Variants in TOP1 observed in about 807,000 individuals in gnomAD.
TOP1 encodes the protein DNA topoisomerase 1.
A neutral mutation model predicts 111.1 loss-of-function variants in TOP1; 10 were observed. That is an observed-to-expected ratio of 0.09 (90% CI 0.06 to 0.15). The LOEUF (loss-of-function observed/expected upper bound fraction) is 0.15. Ranked by LOEUF, TOP1 falls within the 10% of genes least tolerant of loss-of-function variation. The pLI, the probability that TOP1 is intolerant of heterozygous loss-of-function variation, is 1.00. For synonymous variants in TOP1, 271 were observed against 302.9 expected (o/e 0.89, Z 1.10); for missense variants, 474 against 926.7 (o/e 0.51, Z 6.34).
At chr20:41,117,606 C>T (rs570730266) in intron 17 of TOP1, among the ~76,000 whole-genome samples, 1 of 151,808 alleles carries the variant, frequency 6.6e-6, no homozygotes, top group African/African-American at 2.4e-5. Context: ...AGGATGGTCT[C>T]GATCTCCTGA....
Position 41,072,263 on chromosome 20 carries a change from AAGTAGCAGGATC to A in TOP1, c.156-3903_156-3892del, listed in dbSNP as rs373154006. On this transcript the variant is annotated intron_variant, in intron 3 of 20. Transcript: ENST00000361337. ...CATATTGTGTCTATTGTGTATGGAAAAGTAGCAGGATCAGTATGAAGATAATACAGTATCTCT... is the reference window on the plus strand; with the variant it reads ...CATATTGTGTCTATTGTGTATGGAAAAGTATGAAGATAATACAGTATCTCT... 376 of 985,378 alleles carry A rather than the reference AAGTAGCAGGATC, an allele frequency of 3.8e-4. No homozygotes were observed. In the African/African-American group the frequency reaches 6.4e-3, roughly 17 times the overall value. The allele number at this position is 985,378 out of a possible 1,614,324, so 61.0% of individuals were successfully genotyped here. A position where few individuals can be genotyped will look rare whatever the true frequency, so the allele number is the denominator to read the frequency against.
At chr20:41,073,374 G>GAAAA (rs397692656) in intron 3 of TOP1, 5 of 749,214 alleles carry the variant, frequency 6.7e-6, no homozygotes, top group African/African-American at 5.1e-5. Context: ...GGAAGACAAT[G>GAAAA]AAAAAAAAAA....
At chr20:41,064,960 A>G (rs965487393) in intron 3 of TOP1, among the ~76,000 whole-genome samples, 22 of 152,118 alleles carry the variant, frequency 1.4e-4, no homozygotes, top group African/African-American at 4.6e-4. Flanking sequence ...GCTGGAGTGC[A>G]GTGGTGCCAT....
rs1224570652 is a variant in TOP1, at chr20:41,032,649, C to T, written c.58+3194C>T. On this transcript the variant is annotated intron_variant, in intron 2 of 20. Coordinates refer to ENST00000361337, the MANE Select transcript of TOP1 (RefSeq NM_003286.4). This position sits in a 1 kb window ranked among gnomAD's most constrained non-coding sequence, Gnocchi z 4.3. ...AAGCACAATACTTGGCTCCATCAGT[C>T]TTTAGTCTAAGAAGTGATATATAGG... 6.6e-6 allele frequency among the ~76,000 whole-genome samples: 1 copy of T among 152,186 alleles called. No homozygotes were observed. Among genetic ancestry groups the T allele is most frequent in the Non-Finnish European group, 1.5e-5 (1 of 68,040 alleles).
In TOP1 at chr20:41,034,253, G is replaced by A. The variant is rs1018500868; in HGVS notation, c.58+4798G>A. 6.6e-6 allele frequency among the ~76,000 whole-genome samples: 1 copy of A among 152,230 alleles called. No individual in the cohort carries two copies. Among genetic ancestry groups the A allele is most frequent in the African/African-American group, 2.4e-5 (1 of 41,454 alleles). Reference sequence around the variant, plus strand: ...AGCTTTCAGATTGTGTTTAAACTTCGAGTAGTAATATTTGGAACTGTCTTT... The same window carrying A: ...AGCTTTCAGATTGTGTTTAAACTTCAAGTAGTAATATTTGGAACTGTCTTT... On this transcript the variant is annotated intron_variant, in intron 2 of 20. Coordinates refer to ENST00000361337, the MANE Select transcript of TOP1 (RefSeq NM_003286.4). The surrounding 1 kb of genome is among the most constrained non-coding windows in gnomAD (Gnocchi z 4.0).
In TOP1 at chr20:41,041,437, C is replaced by CAAA. The variant is rs780663951; in HGVS notation, c.58+12002_58+12004dup. Among the ~76,000 whole-genome samples, 669 of 88,624 alleles carry CAAA rather than the reference C, an allele frequency of 7.5e-3. 13 individuals are homozygous for CAAA. The highest frequency in any genetic ancestry group is 0.025 in the East Asian group (79 of 3,178). 58.1% of individuals were successfully genotyped at this position (88,624 alleles called of 152,430 possible). A position where few individuals can be genotyped will look rare whatever the true frequency, so the allele number is the denominator to read the frequency against. ...TGTGCCCCAGAACGAGACCCTGTCTCAAAAAAAAAAAAAAAAAAAAAATTA... is the reference window on the plus strand; with the variant it reads ...TGTGCCCCAGAACGAGACCCTGTCTCAAAAAAAAAAAAAAAAAAAAAAAAATTA... On this transcript the variant is annotated intron_variant, in intron 2 of 20. Transcript: ENST00000361337.
At chr20:41,120,004 C>T (rs1209954943) in intron 18 of TOP1, among the ~76,000 whole-genome samples, 1 of 152,240 alleles carries the variant, frequency 6.6e-6, no homozygotes, top group East Asian at 1.9e-4. Context: ...CGGGTTTGGG[C>T]AGCCCAGGCT....
chr20:41,066,593 C>T (rs1301195094), intron 3 of TOP1, among the ~76,000 whole-genome samples: 3 of 135,360 alleles, frequency 2.2e-5, no homozygotes, highest in African/African-American at 2.9e-5. Flanking sequence ...CTTGCTCTGT[C>T]GCCCAGGCTG....
intron 3 of TOP1, chr20:41,073,412 GAAAC>G (rs1392997059): frequency 1.0e-6 from 1 of 977,066 alleles, no homozygotes; most frequent in African/African-American, 1.8e-5. Context: ...GAAAAGAAAA[GAAAC>G]AAGCAACCCC....
At chr20:41,044,556 C>T (rs1000476758) in intron 2 of TOP1, among the ~76,000 whole-genome samples, 1 of 152,212 alleles carries the variant, frequency 6.6e-6, no homozygotes. Context: ...CAGAAGCAGG[C>T]TGCTTTGAGA....
At position 41,033,313 on chromosome 20, in the gene TOP1, G is replaced by A. The variant is rs74414097; in HGVS notation, c.58+3858G>A. On this transcript the variant is annotated intron_variant, in intron 2 of 20. Coordinates refer to ENST00000361337, the MANE Select transcript of TOP1 (RefSeq NM_003286.4). ...GTAAAATGGAAAATAGGAAACCAAG[G>A]TCAGTCCCCAAATCTCATTTTAACC... Among the ~76,000 whole-genome samples the A allele has an allele frequency of 1.2e-3, 182 of 146,692 alleles. 1 individual carries two copies. Among genetic ancestry groups the A allele is most frequent in the African/African-American group, 4.4e-3 (174 of 39,588 alleles).
At position 41,122,388 on chromosome 20, in the gene TOP1, T is replaced by C. The variant is rs896279659; in HGVS notation, c.2195+233T>C. Among the ~76,000 whole-genome samples, 2 of 152,170 alleles carry C rather than the reference T, an allele frequency of 1.3e-5. No homozygotes were observed. Among genetic ancestry groups the C allele is most frequent in the South Asian group, 2.1e-4 (1 of 4,832 alleles). ...TCAGTGCTGTTACACTGCCTTGTAG[T>C]GTATATTTTTAAGAGGCAGGTGCCA... On this transcript the variant is annotated intron_variant, in intron 20 of 20. Coordinates refer to ENST00000361337, the MANE Select transcript of TOP1 (RefSeq NM_003286.4). The surrounding 1 kb of genome is among the most constrained non-coding windows in gnomAD (Gnocchi z 5.4).
Position 41,029,685 on chromosome 20 carries a change from G to T in TOP1, c.58+230G>T, listed in dbSNP as rs2033092619. ...GAGGGGACAACGGAGACCCCGTGTCGTCCGCCACCGGGCCTCGGGCGGTCT... is the reference window on the plus strand; with the variant it reads ...GAGGGGACAACGGAGACCCCGTGTCTTCCGCCACCGGGCCTCGGGCGGTCT... On this transcript the variant is annotated intron_variant, in intron 2 of 20. Coordinates refer to ENST00000361337, the MANE Select transcript of TOP1 (RefSeq NM_003286.4). The surrounding 1 kb of genome is among the most constrained non-coding windows in gnomAD (Gnocchi z 6.1). 6.6e-6 allele frequency: 4 copies of T among 604,732 alleles called. No individual in the cohort carries two copies. The highest frequency in any genetic ancestry group is 2.7e-5 in the Admixed American group (1 of 37,714). The allele number at this position is 604,732 out of a possible 1,614,324, so 37.5% of individuals were successfully genotyped here.
rs982178521 is a variant in TOP1 at position 41,046,615 on chromosome 20, C to T, written c.59-14779C>T. Among the ~76,000 whole-genome samples the T allele has an allele frequency of 2.0e-5, 3 of 152,188 alleles. No individual in the cohort carries two copies. The highest frequency in any genetic ancestry group is 4.4e-5 in the Non-Finnish European group (3 of 68,036). ...GCCCCCTGGATAGTTTATTTTTTAG[C>T]AGTTCAGCTTGTGCTTGGACCCAGT... On this transcript the variant is annotated intron_variant, in intron 2 of 20. Transcript: ENST00000361337. This position sits in a 1 kb window ranked among gnomAD's most constrained non-coding sequence, Gnocchi z 4.3.
In TOP1 at chr20:41,029,052, G is replaced by C; in HGVS notation, c.-16G>C. ...CGCCGCCTCGCCTGCCGCCGCGCTC[G>C]TCCCTCCGGGCCGACATGAGTGGGG... On this transcript the variant is annotated 5_prime_UTR_variant, in exon 1 of 21. Transcript: ENST00000361337. The surrounding 1 kb of genome is among the most constrained non-coding windows in gnomAD (Gnocchi z 6.1). The C allele has an allele frequency of 6.5e-7, 1 of 1,546,806 alleles. No homozygotes were observed. The highest frequency in any genetic ancestry group is 2.5e-5 in the East Asian group (1 of 39,496).
intron 2 of TOP1, among the ~76,000 whole-genome samples, chr20:41,033,067 A>G (rs1226243674): frequency 1.3e-5 from 2 of 152,206 alleles, no homozygotes; most frequent in African/African-American, 4.8e-5. Context: ...GCTTTGACAT[A>G]AAAGAAAGTT....
Position 41,123,064 on chromosome 20 carries a change from T to C in TOP1, c.2196-131T>C. The stretch of plus-strand genomic sequence containing the variant: ...ATCACATAAAACCTTTAGAACATGC[T>C]TGGTGCACTATTAATTTGCATCCTC... On this transcript the variant is annotated intron_variant, in intron 20 of 20. Coordinates refer to ENST00000361337, the MANE Select transcript of TOP1 (RefSeq NM_003286.4). This position sits in a 1 kb window ranked among gnomAD's most constrained non-coding sequence, Gnocchi z 5.8. 1.6e-6 allele frequency: 1 copy of C among 632,018 alleles called. No individual in the cohort carries two copies. Among genetic ancestry groups the C allele is most frequent in the South Asian group, 2.0e-5 (1 of 50,594 alleles). The allele number at this position is 632,018 out of a possible 1,614,324, so 39.2% of individuals were successfully genotyped here.
At chr20:41,076,361 A>T (rs2145935154) in intron 4 of TOP1, 67 bp downstream of exon 4, 1 of 1,534,758 alleles carries the variant, frequency 6.5e-7, no homozygotes, top group Non-Finnish European at 8.7e-7. Context: ...GAAAGCAGAT[A>T]TCTTAATTGC....
Position 41,112,759 on chromosome 20 carries a change from CATTTGG to C in TOP1, c.1309-22_1309-17del. 6.2e-7 allele frequency: 1 copy of C among 1,612,844 alleles called. No homozygotes were observed. Among genetic ancestry groups the C allele is most frequent in the African/African-American group, 1.3e-5 (1 of 75,042 alleles). On this transcript the variant is annotated splice_polypyrimidine_tract_variant and intron_variant, in intron 13 of 20. Coordinates refer to ENST00000361337, the MANE Select transcript of TOP1 (RefSeq NM_003286.4). This position sits in a 1 kb window ranked among gnomAD's most constrained non-coding sequence, Gnocchi z 5.8. ...TACTACACTGTCCCAAAGTAATCTA[CATTTGG>C]GTTTGGGTCTTTACAGGGTGAGAAG...
Sources: allele counts gnomAD v4.1 joint callset (sites outside exome capture counted in the v4.1 genomes callset), GRCh38; gene constraint gnomAD v4.1.1; non-coding constraint Gnocchi (gnomAD v3.1); transcripts MANE v1.5; gene names NCBI Gene and HGNC (gene_info 2026-07-23, HGNC 2026-07-21).